Variants in GRIA3 observed in about 807,000 individuals in gnomAD.
The protein encoded by GRIA3 is glutamate ionotropic receptor AMPA type subunit 3, also known as glutamate receptor 3.
Under a neutral mutation model 63.0 loss-of-function variants are expected in GRIA3, and 3 were observed. That is an observed-to-expected ratio of 0.05 (90% CI 0.02 to 0.12). The LOEUF (loss-of-function observed/expected upper bound fraction) is 0.12. Among genes scored for constraint, GRIA3 ranks in the 10% least tolerant of loss-of-function variants. The probability of loss-of-function intolerance (pLI) is 1.00; values close to 1 mark genes in which losing one functional copy is unlikely to be tolerated. For synonymous variants in GRIA3, 274 were observed against 257.9 expected (o/e 1.06, Z -0.60); for missense variants, 347 against 700.9 (o/e 0.50, Z 5.70).
intron 2 of GRIA3, among the ~76,000 whole-genome samples, chrX:123,221,390 G>A (rs751188065): frequency 1.8e-5 from 2 of 112,322 alleles, no homozygotes; most frequent in Admixed American, 1.9e-4. Flanking sequence ...CTTATATTGG[G>A]CTTAAGGTAG....
intron 2 of GRIA3, among the ~76,000 whole-genome samples, chrX:123,209,575 T>C (rs1927984673): frequency 8.9e-6 from 1 of 111,910 alleles, no homozygotes; most frequent in Non-Finnish European, 1.9e-5. Context: ...TAAACTTTGA[T>C]CAAGATTTGC....
At chrX:123,202,743 C>T in intron 2 of GRIA3, 4 of 1,166,109 alleles carry the variant, frequency 3.4e-6, no homozygotes, top group Non-Finnish European at 4.6e-6. Context: ...AAAATGTTCA[C>T]CAGGTGGGGC....
chrX:123,378,433 C>T (rs141478793), intron 5 of GRIA3, among the ~76,000 whole-genome samples: 33,237 of 96,010 alleles, frequency 0.35, 4,977 homozygotes, highest in Non-Finnish European at 0.42. Context: ...TTTTTTGAGA[C>T]ACAGTCTCAC....
At chrX:123,454,107 C>T (rs755403090) in intron 12 of GRIA3, among the ~76,000 whole-genome samples, 114 of 110,965 alleles carry the variant, frequency 1.0e-3, no homozygotes, top group Non-Finnish European at 1.8e-3. Context: ...ATATCATGCC[C>T]CTTGAAATGA....
chrX:123,271,483 G>A (rs2044522124), intron 3 of GRIA3, among the ~76,000 whole-genome samples: 1 of 111,826 alleles, frequency 8.9e-6, no homozygotes, highest in Admixed American at 9.5e-5. Context: ...CGGGACTAAA[G>A]CCCGTTTCCT....
intron 3 of GRIA3, among the ~76,000 whole-genome samples, chrX:123,268,328 T>A (rs1338241248): frequency 9.0e-6 from 1 of 110,824 alleles, no homozygotes; most frequent in Admixed American, 9.6e-5. Flanking sequence ...TGGAAAGCTC[T>A]TGGCACAAAT....
At chrX:123,460,030 G>A (rs1281830340) in intron 12 of GRIA3, among the ~76,000 whole-genome samples, 1 of 111,535 alleles carries the variant, frequency 9.0e-6, no homozygotes, top group Non-Finnish European at 1.9e-5. Flanking sequence ...TAACTGACTT[G>A]TCATTTAATG....
At chrX:123,210,145 A>C (rs1425606994) in intron 2 of GRIA3, among the ~76,000 whole-genome samples, 1 of 99,716 alleles carries the variant, frequency 1.0e-5, no homozygotes, top group Non-Finnish European at 2.0e-5. Context: ...AAAGCTCCAT[A>C]TTAAAAAAAA....
chrX:123,288,660 G>GA (rs1195507978), intron 3 of GRIA3, among the ~76,000 whole-genome samples: 8 of 109,216 alleles, frequency 7.3e-5, no homozygotes, highest in African/African-American at 1.3e-4. Context: ...ACAAACATAT[G>GA]AAAAAAAAAG....
chrX:123,312,531 G>A (rs2044801667), intron 3 of GRIA3, among the ~76,000 whole-genome samples: 1 of 112,188 alleles, frequency 8.9e-6, no homozygotes, highest in African/African-American at 3.2e-5. Context: ...GGTGAACCAA[G>A]CCAAAGGCTT....
At chrX:123,368,570 C>G (rs1201262707) in intron 5 of GRIA3, among the ~76,000 whole-genome samples, 2 of 110,926 alleles carry the variant, frequency 1.8e-5, no homozygotes, top group Non-Finnish European at 3.8e-5. Context: ...AATGGGGAAC[C>G]AGGAGGCAAT....
At chrX:123,300,360 CTTTTTTT>C (rs147031319) in intron 3 of GRIA3, among the ~76,000 whole-genome samples, 2 of 22,509 alleles carry the variant, frequency 8.9e-5, no homozygotes, top group Non-Finnish European at 1.4e-4. Context: ...TGGTCCTGGG[CTTTTTTT>C]TTTTTTTTTT....
At chrX:123,371,735 AT>A (rs897504314) in intron 5 of GRIA3, among the ~76,000 whole-genome samples, 4 of 110,729 alleles carry the variant, frequency 3.6e-5, no homozygotes, top group Non-Finnish European at 7.6e-5. Context: ...ATTGGATTAG[AT>A]TTTTTTTCCT....
intron 2 of GRIA3, among the ~76,000 whole-genome samples, chrX:123,191,688 C>T (rs1927438963): frequency 9.0e-6 from 1 of 111,077 alleles, no homozygotes; most frequent in African/African-American, 3.3e-5. Context: ...GGACTATTTT[C>T]TACCCCGGAC....
intron 2 of GRIA3, among the ~76,000 whole-genome samples, chrX:123,244,004 G>A: frequency 8.9e-6 from 1 of 112,663 alleles, no homozygotes; most frequent in South Asian, 3.6e-4. Context: ...CAAAATACAT[G>A]TGTTCATATA....
At chrX:123,286,753 G>A (rs1297305273) in intron 3 of GRIA3, among the ~76,000 whole-genome samples, 3 of 111,503 alleles carry the variant, frequency 2.7e-5, no homozygotes, top group Non-Finnish European at 5.6e-5. Context: ...AACAAGTTCC[G>A]AAATTGGGGC....
rs2045451099 is a variant in GRIA3, at chrX:123,402,977, T to C, written c.1081-17T>C. On this transcript the variant is annotated splice_polypyrimidine_tract_variant and intron_variant, in intron 7 of 15. Coordinates refer to ENST00000620443, the MANE Select transcript of GRIA3 (RefSeq NM_007325.5). ...TGCCGTGCTATTTTTAAATTTTAAA[T>C]TTTCCCTTTCTACCAGGTGCAAGTA... 1.0e-6 allele frequency: 1 copy of C among 960,568 alleles called. No homozygotes were observed. The highest frequency in any genetic ancestry group is 2.2e-5 in the Admixed American group (1 of 44,935). 79.2% of individuals were successfully genotyped at this position (960,568 alleles called of 1,213,427 possible).
rs747348103 is a variant in GRIA3, at chrX:123,208,336, C to G, written c.268+22346C>G. The stretch of plus-strand genomic sequence containing the variant: ...CAACTCTGTTTCTAACAAACCATGC[C>G]TTCTCTGGGTTTCAGTTAGATCTTT... On this transcript the variant is annotated intron_variant, in intron 2 of 15. Transcript: ENST00000620443. 3.6e-5 allele frequency among the ~76,000 whole-genome samples: 4 copies of G among 112,404 alleles called. No homozygotes were observed. The East Asian group carries it at 1.1e-3, about 32-fold the overall frequency.
At chrX:123,434,037 G>A (rs775915725) in intron 12 of GRIA3, among the ~76,000 whole-genome samples, 2 of 111,642 alleles carry the variant, frequency 1.8e-5, no homozygotes, top group African/African-American at 6.5e-5. Flanking sequence ...TTTTCAACTG[G>A]GTCTACATTT....
Sources: gnomAD v4.1 joint callset for allele counts (sites outside exome capture counted in the v4.1 genomes callset) on GRCh38, gnomAD v4.1.1 for gene constraint, MANE v1.5 for transcripts, NCBI Gene and HGNC (gene_info 2026-07-23, HGNC 2026-07-21) for gene names.